Variants in ZNF727 observed in about 807,000 individuals in gnomAD.
ZNF727 encodes the protein putative zinc finger protein 727.
Under a neutral mutation model 11.5 loss-of-function variants are expected in ZNF727, and 11 were observed. The ratio of observed to expected loss-of-function variants is 0.95; its 90% CI spans 0.60 to 1.58. The LOEUF (loss-of-function observed/expected upper bound fraction) is 1.58. Ranked by LOEUF, ZNF727 falls within the 40% of genes most tolerant of loss-of-function variation. The pLI is 0.00. For missense variants in ZNF727, 533 were observed against 581.7 expected, an observed-to-expected ratio of 0.92 and a Z score of 0.86; for synonymous variants, 171 against 196.1, an observed-to-expected ratio of 0.87 and a Z score of 1.07.
chr7:64,068,858 T>C (rs758094592), intron 1 of ZNF727, 33 bp from the exon 2 acceptor site: 3 of 1,558,496 alleles, frequency 1.9e-6, no homozygotes, highest in Middle Eastern at 1.7e-4. Flanking sequence ...AATTATTTCT[T>C]TGGTCACTTG....
At chr7:64,068,436 G>T (rs1001448405) in intron 1 of ZNF727, among the ~76,000 whole-genome samples, 4 of 151,928 alleles carry the variant, frequency 2.6e-5, no homozygotes, top group African/African-American at 9.7e-5. Context: ...GATACCACTG[G>T]CAAACTTCTT....
chr7:64,081,580 A>G lies in ZNF727; in HGVS notation c.*3031A>G, dbSNP rs1294292451. 1.3e-5 allele frequency among the ~76,000 whole-genome samples: 2 copies of G among 152,092 alleles called. No individual in the cohort carries two copies. Among genetic ancestry groups the G allele is most frequent in the Non-Finnish European group, 2.9e-5 (2 of 68,022 alleles). ...AGGGGCTGCCTTGCCGGAGCTCTTC[A>G]TGGGTCAGGCATGGCCCACCAGTGC... On this transcript the variant is annotated 3_prime_UTR_variant, in exon 4 of 4. Coordinates refer to ENST00000456806, the MANE Select transcript of ZNF727 (RefSeq NM_001159522.3).
At position 64,045,482 on chromosome 7, in the gene ZNF727, A is replaced by G; in HGVS notation, c.-140A>G. The G allele has an allele frequency of 8.4e-7, 1 of 1,187,186 alleles. No individual in the cohort carries two copies. The highest frequency in any genetic ancestry group is 1.2e-6 in the Non-Finnish European group (1 of 816,492). The allele number at this position is 1,187,186 out of a possible 1,614,324, so 73.5% of individuals were successfully genotyped here. ...TTCGTCTCCTAGCTTCTAGGCTCTG[A>G]GTCCAGTACCCGTCTGTACTATTCC... On this transcript the variant is annotated 5_prime_UTR_variant, in exon 1 of 4. Transcript: ENST00000456806.
chr7:64,073,396 T>G (rs1175962743), intron 3 of ZNF727, among the ~76,000 whole-genome samples: 2 of 151,876 alleles, frequency 1.3e-5, no homozygotes, highest in Non-Finnish European at 2.9e-5. Context: ...CTATTGTGAC[T>G]CTACAAAATT....
rs1335468910 is a variant in ZNF727 at position 64,078,367 on chromosome 7, A to C, written c.1318A>C (p.Thr440Pro). ...AACCTTTAAGTGGTTCCCAGACCTGACTAATCATAAGAGAATTCACACTGG... is the reference window on the plus strand; with the variant it reads ...AACCTTTAAGTGGTTCCCAGACCTGCCTAATCATAAGAGAATTCACACTGG... ...GKTFKWFPDL[T>P]NHKRIHTGEK... The change falls in exon 4 of 4, where the codon ACT becomes CCT. Residue 440 changes from threonine to proline, a missense_variant. Physicochemically the swap from Thr to Pro is conservative, Grantham distance 38. Around this residue, in one of 3 missense-constraint regions of ZNF727, gnomAD observed 16 missense variants for 38.6 expected, o/e 0.41. Transcript: ENST00000456806. 1.0e-5 allele frequency: 16 copies of C among 1,585,592 alleles called. No homozygotes were observed. In the East Asian group the frequency reaches 3.7e-4, roughly 37 times the overall value.
At chr7:64,064,242 C>A (rs1405549989) in intron 1 of ZNF727, among the ~76,000 whole-genome samples, 1 of 152,148 alleles carries the variant, frequency 6.6e-6, no homozygotes, top group Non-Finnish European at 1.5e-5. Flanking sequence ...TGCACTAGGC[C>A]TCAACCCCCA....
intron 1 of ZNF727, among the ~76,000 whole-genome samples, chr7:64,053,579 A>G (rs1334420199): frequency 6.6e-6 from 1 of 152,030 alleles, no homozygotes; most frequent in Non-Finnish European, 1.5e-5. Flanking sequence ...TCAGCCTCCC[A>G]AAGTGCTGGG....
intron 1 of ZNF727, among the ~76,000 whole-genome samples, chr7:64,057,637 C>G (rs920532627): frequency 1.1e-4 from 17 of 152,082 alleles, no homozygotes; most frequent in African/African-American, 4.1e-4. Context: ...ATGCAGCAAA[C>G]TACCATGACA....
chr7:64,065,228 G>A (rs991454798), intron 1 of ZNF727, among the ~76,000 whole-genome samples: 3 of 152,124 alleles, frequency 2.0e-5, no homozygotes, highest in African/African-American at 7.2e-5. Context: ...CGAGAGGTGA[G>A]TTTAGTTTTA....
chr7:64,059,433 G>A lies in ZNF727; in HGVS notation c.4-9458G>A, dbSNP rs575471553. On this transcript the variant is annotated intron_variant, in intron 1 of 3. Transcript: ENST00000456806. ...CTTTGTTTTTCGCCTGTAGAAATAA[G>A]AACTTAACTTTCAGCTATGAAGCAC... 1.2e-4 allele frequency among the ~76,000 whole-genome samples: 19 copies of A among 152,240 alleles called. 1 individual carries two copies. The South Asian group carries it at 3.7e-3, about 30-fold the overall frequency.
At chr7:64,065,062 T>C (rs1789841220) in intron 1 of ZNF727, among the ~76,000 whole-genome samples, 2 of 152,160 alleles carry the variant, frequency 1.3e-5, no homozygotes, top group Admixed American at 6.5e-5. Flanking sequence ...TGGATAGTCA[T>C]TCTACTTGGT....
Position 64,068,976 on chromosome 7 carries a change from G to A in ZNF727, c.89G>A (p.Arg30Lys), listed in dbSNP as rs767054173. The A allele has an allele frequency of 2.5e-6, 4 of 1,605,854 alleles. No homozygotes were observed. Among genetic ancestry groups the A allele is most frequent in the South Asian group, 1.1e-5 (1 of 90,270 alleles). The change falls in exon 2 of 4, where the codon AGG becomes AAG. Residue 30 changes from arginine (R) to lysine (K), a missense_variant. Coordinates refer to ENST00000456806, the MANE Select transcript of ZNF727 (RefSeq NM_001159522.3). ...CLDSAQQRLY[R>K]DVMLENYGNL... ...GACTCTGCTCAGCAGCGTTTGTATAGGGATGTGATGTTAGAGAACTACGGA... is the reference window on the plus strand; with the variant it reads ...GACTCTGCTCAGCAGCGTTTGTATAAGGATGTGATGTTAGAGAACTACGGA...
chr7:64,078,307 G>A lies in ZNF727; in HGVS notation c.1258G>A (p.Glu420Lys), dbSNP rs1387249881. 1 of 1,581,730 alleles carries A rather than the reference G, an allele frequency of 6.3e-7. No homozygotes were observed. Among genetic ancestry groups the A allele is most frequent in the Admixed American group, 1.8e-5 (1 of 54,714 alleles). Residue 420 changes from glutamate to lysine, a missense_variant, in exon 4 of 4, where the codon GAA becomes AAA. Glu to Lys is a moderately conservative substitution (Grantham distance 56). Around this residue, in one of 3 missense-constraint regions of ZNF727, gnomAD observed 463 missense variants for 494.5 expected, o/e 0.94. Transcript: ENST00000456806. The part of the protein sequence containing the change: ...NLIKHKRIHM[E>K]VRPYKCEECG... ...TATTAAACACAAGAGAATTCATATG[G>A]AAGTGAGACCTTACAAATGTGAAGA...
chr7:64,070,997 TG>T (rs939183508), intron 3 of ZNF727, among the ~76,000 whole-genome samples: 5 of 152,134 alleles, frequency 3.3e-5, no homozygotes, highest in South Asian at 2.1e-4. Flanking sequence ...ATATATACCA[TG>T]TTTTTTTTTT....
At position 64,077,758 on chromosome 7, in the gene ZNF727, T is replaced by A; in HGVS notation, c.709T>A (p.Phe237Ile). The change falls in exon 4 of 4, where the codon TTT (phenylalanine) becomes ATT (isoleucine). Residue 237 changes from phenylalanine to isoleucine, a missense_variant. By Grantham distance (21) the Phe-to-Ile change is conservative (BLOSUM62 0). Transcript: ENST00000456806. ...CAAATGTGAAGAATGTGGCAAAACA[T>A]TTACCTGTTCCTCAGCCCTTACTAA... is the stretch of plus-strand genomic sequence containing the variant. ...PYKCEECGKT[F>I]TCSSALTKHK... The A allele has an allele frequency of 6.3e-7, 1 of 1,582,390 alleles. No homozygotes were observed. The highest frequency in any genetic ancestry group is 8.6e-7 in the Non-Finnish European group (1 of 1,163,832).
At chr7:64,057,757 G>A (rs1789708742) in intron 1 of ZNF727, among the ~76,000 whole-genome samples, 1 of 151,806 alleles carries the variant, frequency 6.6e-6, no homozygotes, top group Admixed American at 6.6e-5. Context: ...AAAAGCAGGG[G>A]TATTTGTGGT....
intron 1 of ZNF727, among the ~76,000 whole-genome samples, chr7:64,052,480 G>T (rs1042180752): frequency 6.6e-6 from 1 of 150,956 alleles, no homozygotes; most frequent in Admixed American, 6.6e-5. Flanking sequence ...GCCAGATTGC[G>T]CAGGCAGAAG....
intron 1 of ZNF727, among the ~76,000 whole-genome samples, chr7:64,052,568 C>T (rs149709557): frequency 0.027 from 4,155 of 152,146 alleles, 197 homozygotes; most frequent in East Asian, 0.18. Flanking sequence ...GGTCAGAGCC[C>T]CCACACAAAG....
At chr7:64,066,881 G>C (rs774958824) in intron 1 of ZNF727, among the ~76,000 whole-genome samples, 33 of 152,110 alleles carry the variant, frequency 2.2e-4, no homozygotes, top group Non-Finnish European at 4.3e-4. Flanking sequence ...CAGAATGGGA[G>C]AAAAATTTTG....
Sources: gnomAD v4.1 joint callset for allele counts (sites outside exome capture counted in the v4.1 genomes callset) on GRCh38, gnomAD v4.1.1 for gene constraint, gnomAD v4.1.1 regional missense constraint, MANE v1.5 for transcripts, NCBI Gene and HGNC (gene_info 2026-07-23, HGNC 2026-07-21) for gene names.